The following SIMC1 variants were observed in gnomAD, a reference collection of about 807,000 sequenced individuals.
SIMC1 encodes the protein SUMO-interacting motif-containing protein 1.
Under a neutral mutation model 82.3 loss-of-function variants are expected in SIMC1, and 55 were observed. That is an observed-to-expected ratio of 0.67 (90% CI 0.54 to 0.84). The LOEUF (loss-of-function observed/expected upper bound fraction) is 0.84. Ranked by LOEUF, SIMC1 falls within the 40% of genes least tolerant of loss-of-function variation. The pLI is 0.00. For synonymous variants in SIMC1, 353 were observed against 426.3 expected (o/e 0.83, Z 2.12); for missense variants, 915 against 1,107.2 (o/e 0.83, Z 2.46).
intron 1 of SIMC1, among the ~76,000 whole-genome samples, chr5:176,271,723 A>C (rs2560190): frequency 6.6e-5 from 10 of 151,758 alleles, no homozygotes; most frequent in South Asian, 2.1e-4. Context: ...CTGAGGGAGT[A>C]CAATTGGAAT....
chr5:176,301,827 CAAT>C (rs749586956), intron 4 of SIMC1, among the ~76,000 whole-genome samples: 30 of 151,218 alleles, frequency 2.0e-4, no homozygotes, highest in Non-Finnish European at 1.0e-4. Context: ...AACTGCCAAC[CAAT>C]ATACCTAATA....
At position 176,313,858 on chromosome 5, in the gene SIMC1, C is replaced by A; in HGVS notation, c.1889+13C>A. On this transcript the variant is annotated intron_variant, in intron 5 of 9. Transcript: ENST00000429602. The stretch of plus-strand genomic sequence containing the variant: ...CCCACAATGTCAGGTAAGCAGCCAC[C>A]TGAGCCCTCGGATGAGAAGAGGTAA... 6.2e-7 allele frequency: 1 copy of A among 1,613,018 alleles called. No individual in the cohort carries two copies. Among genetic ancestry groups the A allele is most frequent in the South Asian group, 1.1e-5 (1 of 91,036 alleles).
intron 1 of SIMC1, among the ~76,000 whole-genome samples, chr5:176,250,616 A>T (rs921709586): frequency 6.6e-6 from 1 of 152,184 alleles, no homozygotes; most frequent in Admixed American, 6.5e-5. Flanking sequence ...GTAGGTCTGT[A>T]AGAACTTGCT....
chr5:176,297,079 T>A (rs764204456), intron 4 of SIMC1, among the ~76,000 whole-genome samples: 2 of 152,206 alleles, frequency 1.3e-5, no homozygotes, highest in African/African-American at 4.8e-5. Context: ...AGGAGTCAGA[T>A]GTGGGCTATT....
At chr5:176,337,491 G>A (rs1216827764) in intron 9 of SIMC1, among the ~76,000 whole-genome samples, 8 of 152,172 alleles carry the variant, frequency 5.3e-5, no homozygotes. Flanking sequence ...CTACTCAGGA[G>A]GTTGAAGCAG....
At chr5:176,253,253 G>C (rs914586797) in intron 1 of SIMC1, among the ~76,000 whole-genome samples, 1 of 152,168 alleles carries the variant, frequency 6.6e-6, no homozygotes, top group Admixed American at 6.5e-5. Flanking sequence ...AGTCTGATGG[G>C]CTTCCCTTTG....
At chr5:176,285,433 A>G (rs1396628364) in intron 1 of SIMC1, among the ~76,000 whole-genome samples, 2 of 152,240 alleles carry the variant, frequency 1.3e-5, no homozygotes, top group Non-Finnish European at 2.9e-5. Context: ...GACAAAATTC[A>G]ACAGCACTTC....
At chr5:176,264,346 C>T (rs1295737155) in intron 1 of SIMC1, among the ~76,000 whole-genome samples, 1 of 152,278 alleles carries the variant, frequency 6.6e-6, no homozygotes, top group African/African-American at 2.4e-5. Flanking sequence ...GGGCTCTGCC[C>T]CTGTGGCAGG....
chr5:176,245,162 A>G (rs181858495), intron 1 of SIMC1, among the ~76,000 whole-genome samples: 1 of 152,344 alleles, frequency 6.6e-6, no homozygotes, highest in African/African-American at 2.4e-5. Flanking sequence ...GGTCATTGGC[A>G]GATATAATCA....
intron 1 of SIMC1, among the ~76,000 whole-genome samples, chr5:176,242,427 A>G (rs1172429799): frequency 6.6e-6 from 1 of 151,810 alleles, no homozygotes; most frequent in Non-Finnish European, 1.5e-5. Context: ...TGTTGATTTT[A>G]TGGTAGTAAA....
In SIMC1 at chr5:176,295,153, T is replaced by C. The variant is rs1763757287; in HGVS notation, c.1555T>C (p.Tyr519His). The change falls in exon 3 of 10, where the codon TAC becomes CAC. Residue 519 changes from tyrosine (Y) to histidine (H), a missense_variant. Physicochemically the swap from Tyr to His is moderately conservative, Grantham distance 83. Around this residue, in one of 2 missense-constraint regions of SIMC1, gnomAD observed 902 missense variants for 1,040.3 expected, o/e 0.87. Transcript: ENST00000429602. The stretch of plus-strand genomic sequence containing the variant: ...GATGGACTTTGTGTCACCCCAGCAT[T>C]ACCCACCAAGAGAAATCGTGGCTCA... Reference protein sequence around the residue: ...FLMDFVSPQHYPPREIVAHII... With the variant: ...FLMDFVSPQHHPPREIVAHII... 6.2e-7 allele frequency: 1 copy of C among 1,613,554 alleles called. No individual in the cohort carries two copies.
intron 3 of SIMC1, 61 bp downstream of exon 3, chr5:176,295,323 G>C: frequency 6.6e-7 from 1 of 1,508,730 alleles, no homozygotes; most frequent in Non-Finnish European, 8.9e-7. Context: ...TCAGGGCATA[G>C]CTTTCTCTTG....
intron 7 of SIMC1, among the ~76,000 whole-genome samples, chr5:176,327,296 A>G (rs1428630701): frequency 6.6e-6 from 1 of 152,178 alleles, no homozygotes; most frequent in Non-Finnish European, 1.5e-5. Flanking sequence ...CTTTACCTTG[A>G]TTTATTTTAA....
chr5:176,248,630 C>T (rs1761534154), intron 1 of SIMC1, among the ~76,000 whole-genome samples: 1 of 152,182 alleles, frequency 6.6e-6, no homozygotes, highest in Non-Finnish European at 1.5e-5. Flanking sequence ...CTGGCCAGAA[C>T]TTCCAATACT....
chr5:176,275,083 T>G (rs200094688), intron 1 of SIMC1, among the ~76,000 whole-genome samples: 3 of 151,608 alleles, frequency 2.0e-5, no homozygotes, highest in African/African-American at 7.3e-5. Flanking sequence ...GCCATTTTCA[T>G]GATATTGATT....
intron 1 of SIMC1, among the ~76,000 whole-genome samples, chr5:176,273,510 A>T (rs76719917): frequency 1.8e-4 from 28 of 151,884 alleles, no homozygotes; most frequent in Admixed American, 9.2e-4. Context: ...TGAAAAAAAA[A>T]TTTTTTTTTA....
chr5:176,335,897 G>T (rs184622292), intron 7 of SIMC1, among the ~76,000 whole-genome samples: 80 of 152,106 alleles, frequency 5.3e-4, no homozygotes, highest in African/African-American at 1.8e-3. Flanking sequence ...ATAATAATTA[G>T]CCAGGGACAG....
chr5:176,280,963 T>C (rs1041116396), intron 1 of SIMC1, among the ~76,000 whole-genome samples: 5 of 152,244 alleles, frequency 3.3e-5, no homozygotes, highest in Non-Finnish European at 7.3e-5. Context: ...ATTTCCTGAA[T>C]CTGAATGTTG....
At chr5:176,248,359 CTT>C (rs1399629456) in intron 1 of SIMC1, among the ~76,000 whole-genome samples, 1 of 152,050 alleles carries the variant, frequency 6.6e-6, no homozygotes, top group Non-Finnish European at 1.5e-5. Context: ...ATTCTATTCT[CTT>C]TGTAGCAATT....
Sources: gnomAD v4.1 joint callset for allele counts (sites outside exome capture counted in the v4.1 genomes callset) on GRCh38, gnomAD v4.1.1 for gene constraint, gnomAD v4.1.1 regional missense constraint, MANE v1.5 for transcripts, NCBI Gene and HGNC (gene_info 2026-07-23, HGNC 2026-07-21) for gene names.